HPS3: variants seen among roughly 807,000 people sequenced by gnomAD.
HPS3 encodes HPS3 biogenesis of lysosomal organelles complex 2 subunit 1.
Under a neutral mutation model 110.9 loss-of-function variants are expected in HPS3, and 79 were observed. The ratio of observed to expected loss-of-function variants is 0.71; its 90% CI spans 0.59 to 0.86. The LOEUF (loss-of-function observed/expected upper bound fraction) is 0.86, where lower values mean the gene tolerates loss of function less well. HPS3 is among the 40% of genes least tolerant of loss of function. HPS3 has a pLI of 0.00. For missense variants in HPS3, 1,197 were observed against 1,206.2 expected (o/e 0.99, Z 0.11); for synonymous variants, 428 against 451.0 (o/e 0.95, Z 0.65).
In HPS3 at chr3:149,140,249, A is replaced by G; in HGVS notation, c.463A>G (p.Lys155Glu). ...AGACCTTCTCGTTGGCTGCACAAAT[A>G]AATTAGTCTTATTTAGTTTGAAGTA... ...KGDLLVGCTN[K>E]LVLFSLKYQI... Residue 155 changes from lysine to glutamate, a missense_variant, in exon 2 of 17, where the codon AAA becomes GAA. Transcript: ENST00000296051. 1 of 1,614,222 alleles carries G rather than the reference A, an allele frequency of 6.2e-7. No homozygotes were observed. Among genetic ancestry groups the G allele is most frequent in the Non-Finnish European group, 8.5e-7 (1 of 1,180,038 alleles).
chr3:149,129,707 TC>T lies in HPS3; in HGVS notation c.-14del. The T allele has an allele frequency of 6.4e-7, 1 of 1,562,110 alleles. No individual in the cohort carries two copies. The highest frequency in any genetic ancestry group is 2.3e-5 in the East Asian group (1 of 43,138). On this transcript the variant is annotated 5_prime_UTR_variant, in exon 1 of 17. Transcript: ENST00000296051. ...CCTGCAGGGCGGGCAGGCTGTGCCA[TC>T]CCGCCGGACGTCGGGATGGTGCAGC...
intron 1 of HPS3, among the ~76,000 whole-genome samples, chr3:149,130,873 C>G (rs548342550): frequency 6.6e-6 from 1 of 152,214 alleles, no homozygotes; most frequent in Non-Finnish European, 1.5e-5. Flanking sequence ...TTAGAAAAAT[C>G]CAACATTTAA....
chr3:149,162,313 G>C lies in HPS3; in HGVS notation c.2272G>C (p.Glu758Gln), dbSNP rs2108168677. ...LQKNNKIGIE[E>Q]ADSFFKVLCA... Reference sequence around the variant, plus strand: ...GAAGAACAACAAAATTGGAATTGAAGAAGCAGATTCCTTTTTTAAGGTTTG... The same window carrying C: ...GAAGAACAACAAAATTGGAATTGAACAAGCAGATTCCTTTTTTAAGGTTTG... The change falls in exon 12 of 17, where the codon GAA becomes CAA. Residue 758 changes from glutamate (E) to glutamine (Q), a missense_variant. Transcript: ENST00000296051. 6.2e-7 allele frequency: 1 copy of C among 1,613,964 alleles called. No individual in the cohort carries two copies. The highest frequency in any genetic ancestry group is 8.5e-7 in the Non-Finnish European group (1 of 1,179,902).
At chr3:149,166,138 G>T in intron 14 of HPS3, 1 of 392,936 alleles carries the variant, frequency 2.5e-6, no homozygotes, top group Non-Finnish European at 5.0e-6. Flanking sequence ...AGATTATTTT[G>T]GTGGTAGAAT....
intron 1 of HPS3, among the ~76,000 whole-genome samples, chr3:149,133,934 C>T (rs1274742161): frequency 6.6e-6 from 1 of 151,338 alleles, no homozygotes; most frequent in Admixed American, 6.6e-5. Context: ...TGCTTTATTG[C>T]GGTGGTCTGG....
At chr3:149,153,671 C>A in intron 7 of HPS3, 23 bp downstream of exon 7, 1 of 1,612,260 alleles carries the variant, frequency 6.2e-7, no homozygotes, top group South Asian at 1.1e-5. Flanking sequence ...TTGCCCCAGG[C>A]ATTCCTGCCA....
At chr3:149,159,987 G>T (rs376481690) in intron 10 of HPS3, 59 bp from the exon 11 acceptor site, 1 of 1,219,174 alleles carries the variant, frequency 8.2e-7, no homozygotes, top group South Asian at 1.2e-5. Flanking sequence ...TGCTGATTTT[G>T]TTGCTTTCTT....
chr3:149,167,963 T>G lies in HPS3; in HGVS notation c.2867T>G (p.Leu956Arg). The change falls in exon 16 of 17, where the codon CTC becomes CGC. Residue 956 changes from leucine to arginine, a missense_variant. By Grantham distance (102) the Leu-to-Arg change is moderately radical (BLOSUM62 -2). Coordinates refer to ENST00000296051, the MANE Select transcript of HPS3 (RefSeq NM_032383.5). The stretch of plus-strand genomic sequence containing the variant: ...AAATGTGGTGGAGAGAAGTATCAAC[T>G]CTACCTGTCATCATTAAAAGGTAAA... Reference protein sequence around the residue: ...RIKCGGEKYQLYLSSLKETLS... With the variant: ...RIKCGGEKYQRYLSSLKETLS... 1 of 1,584,568 alleles carries G rather than the reference T, an allele frequency of 6.3e-7. No homozygotes were observed. The highest frequency in any genetic ancestry group is 8.7e-7 in the Non-Finnish European group (1 of 1,153,464).
intron 1 of HPS3, among the ~76,000 whole-genome samples, chr3:149,139,522 A>G (rs890082854): frequency 6.6e-6 from 1 of 152,234 alleles, no homozygotes; most frequent in Admixed American, 6.5e-5. Flanking sequence ...AGAGAAAATT[A>G]ACTTGGATCT....
intron 8 of HPS3, among the ~76,000 whole-genome samples, 186 bp downstream of exon 8, chr3:149,155,401 A>G (rs746902277): frequency 3.9e-5 from 6 of 152,196 alleles, no homozygotes; most frequent in Admixed American, 2.0e-4. Flanking sequence ...CCGAGGAACC[A>G]GTAGAAATTC....
At chr3:149,161,697 A>G (rs561465317) in intron 11 of HPS3, among the ~76,000 whole-genome samples, 1 of 151,568 alleles carries the variant, frequency 6.6e-6, no homozygotes, top group African/African-American at 2.4e-5. Flanking sequence ...TTTAGTAGAG[A>G]TGGGGTTTTA....
intron 6 of HPS3, among the ~76,000 whole-genome samples, chr3:149,152,802 A>G (rs530508038): frequency 6.6e-6 from 1 of 152,346 alleles, no homozygotes; most frequent in East Asian, 1.9e-4. Flanking sequence ...TCCTGGCAGC[A>G]TCATTTTGTG....
At chr3:149,161,084 A>G (rs7624098) in intron 11 of HPS3, among the ~76,000 whole-genome samples, 67,734 of 152,062 alleles carry the variant, frequency 0.45, 15,225 homozygotes, top group South Asian at 0.51. Flanking sequence ...TTGGGTTGCT[A>G]AAAAAGGAAG....
At position 149,130,704 on chromosome 3, in the gene HPS3, G is replaced by C. The variant is rs935509617; in HGVS notation, c.217+764G>C. Among the ~76,000 whole-genome samples the C allele has an allele frequency of 3.3e-5, 5 of 152,218 alleles. No individual in the cohort carries two copies. The South Asian group carries it at 1.0e-3, about 32-fold the overall frequency. ...CTGAGGCAGGAGAATCGCTTGAACC[G>C]GGGAGGCGGAGATTGCCCCATTGCA... On this transcript the variant is annotated intron_variant, in intron 1 of 16. Transcript: ENST00000296051.
chr3:149,161,331 G>T (rs1031435866), intron 11 of HPS3, among the ~76,000 whole-genome samples: 1 of 151,968 alleles, frequency 6.6e-6, no homozygotes, highest in South Asian at 2.1e-4. Flanking sequence ...ATATAAAGTG[G>T]CATAGTATTT....
At chr3:149,171,057 A>G (rs1576715577) in intron 16 of HPS3, among the ~76,000 whole-genome samples, 1 of 152,178 alleles carries the variant, frequency 6.6e-6, no homozygotes, top group Non-Finnish European at 1.5e-5. Flanking sequence ...AGGCAGGCGG[A>G]TCATGAGGTC....
Position 149,160,247 on chromosome 3 carries a change from A to G in HPS3, c.2074A>G (p.Met692Val). The G allele has an allele frequency of 6.2e-7, 1 of 1,613,638 alleles. No homozygotes were observed. Residue 692 changes from methionine (M) to valine (V), a missense_variant, in exon 11 of 17, where the codon ATG (methionine) becomes GTG (valine). Met to Val is a conservative substitution (Grantham distance 21). Coordinates refer to ENST00000296051, the MANE Select transcript of HPS3 (RefSeq NM_032383.5). Reference protein sequence around the residue: ...AVALKMGDLDMHRNEMKSHSE... With the variant: ...AVALKMGDLDVHRNEMKSHSE... Reference sequence around the variant, plus strand: ...GGCTCTGAAAATGGGAGATCTTGACATGCACAGAAATGAAATGAAAAGCCA... The same window carrying G: ...GGCTCTGAAAATGGGAGATCTTGACGTGCACAGAAATGAAATGAAAAGCCA...
At chr3:149,163,352 A>C (rs1031900216) in intron 13 of HPS3, among the ~76,000 whole-genome samples, 1 of 152,088 alleles carries the variant, frequency 6.6e-6, no homozygotes, top group African/African-American at 2.4e-5. Context: ...AGCCAGTAAC[A>C]ACTCTTTCTA....
chr3:149,153,729 CA>C, intron 7 of HPS3, 81 bp downstream of exon 7: 1 of 1,400,298 alleles, frequency 7.1e-7, no homozygotes, highest in Non-Finnish European at 1.0e-6. Flanking sequence ...TATCTTTTTT[CA>C]AATCATAACT....
Sources: gnomAD v4.1 joint callset for allele counts (sites outside exome capture counted in the v4.1 genomes callset) on GRCh38, gnomAD v4.1.1 for gene constraint, MANE v1.5 for transcripts, NCBI Gene and HGNC (gene_info 2026-07-23, HGNC 2026-07-21) for gene names.